HOMER2: variants seen among roughly 807,000 people sequenced by gnomAD.
HOMER2 encodes homer protein homolog 2.
Under a neutral mutation model 47.0 loss-of-function variants are expected in HOMER2, and 27 were observed. That is an observed-to-expected ratio of 0.57 (90% CI 0.42 to 0.79). The LOEUF is 0.79. HOMER2 is among the 30% of genes least tolerant of loss of function. HOMER2 has a pLI of 0.00. For missense variants in HOMER2, 443 were observed against 435.0 expected (o/e 1.02, Z -0.16); for synonymous variants, 161 against 163.8 (o/e 0.98, Z 0.13).
intron 3 of HOMER2, among the ~76,000 whole-genome samples, chr15:82,864,985 C>T (rs1397849716): frequency 6.6e-6 from 1 of 152,250 alleles, no homozygotes; most frequent in Non-Finnish European, 1.5e-5. Flanking sequence ...GCAAGGCTAT[C>T]ACCAATTCTG....
chr15:82,859,187 C>A, intron 4 of HOMER2, 52 bp from the exon 5 acceptor site: 2 of 1,613,104 alleles, frequency 1.2e-6, no homozygotes, highest in Non-Finnish European at 1.7e-6. Flanking sequence ...AGTGAATTAT[C>A]TTCACACGTT....
chr15:82,880,914 C>A (rs2052502020), intron 2 of HOMER2, among the ~76,000 whole-genome samples: 1 of 152,124 alleles, frequency 6.6e-6, no homozygotes, highest in African/African-American at 2.4e-5. Flanking sequence ...AGAATTCAGC[C>A]CTGGGAGCCA....
chr15:82,909,034 C>T (rs2053375916), intron 1 of HOMER2, among the ~76,000 whole-genome samples: 2 of 152,060 alleles, frequency 1.3e-5, no homozygotes, highest in South Asian at 2.1e-4. Flanking sequence ...AACAACCAAA[C>T]CAGGGAGGCA....
At chr15:82,968,350 TA>T (rs2054694865) in intron 1 of HOMER2, among the ~76,000 whole-genome samples, 1 of 152,268 alleles carries the variant, frequency 6.6e-6, no homozygotes, top group Non-Finnish European at 1.5e-5. Flanking sequence ...TGGCTACCAC[TA>T]ATTTGCTTTC....
At chr15:82,872,884 C>T (rs563535469) in intron 3 of HOMER2, among the ~76,000 whole-genome samples, 1 of 152,322 alleles carries the variant, frequency 6.6e-6, no homozygotes, top group South Asian at 2.1e-4. Flanking sequence ...GAGGTTTGAG[C>T]AACAGCAACA....
At position 82,860,956 on chromosome 15, in the gene HOMER2, T is replaced by TGAGA. The variant is rs56063630; in HGVS notation, c.388-1825_388-1822dup. On this transcript the variant is annotated intron_variant, in intron 4 of 8. Coordinates refer to ENST00000450735, the MANE Select transcript of HOMER2 (RefSeq NM_004839.4). ...TGTCTCAAAGATAGAAGATAGAAGA[T>TGAGA]GAGAGAGAGAGAGAGAGAGAGAGAG... 7.5e-4 allele frequency among the ~76,000 whole-genome samples: 32 copies of TGAGA among 42,432 alleles called. No individual in the cohort carries two copies. In the South Asian group the frequency reaches 8.1e-3, roughly 11 times the overall value. The allele number at this position is 42,432 out of a possible 152,430, so 27.8% of individuals were successfully genotyped here.
intron 3 of HOMER2, among the ~76,000 whole-genome samples, chr15:82,870,405 C>T (rs1355304975): frequency 1.3e-5 from 2 of 152,062 alleles, no homozygotes; most frequent in African/African-American, 4.8e-5. Flanking sequence ...GCCAAGAATG[C>T]AGGTGTGATG....
At chr15:82,853,681 C>G (rs1272660997) in intron 6 of HOMER2, among the ~76,000 whole-genome samples, 1 of 152,140 alleles carries the variant, frequency 6.6e-6, no homozygotes, top group Non-Finnish European at 1.5e-5. Flanking sequence ...AGAGAAACCT[C>G]AAGACCTCAA....
At chr15:82,957,872 C>T (rs2054599512), downstream of HOMER2, among the ~76,000 whole-genome samples, 1 of 152,196 alleles carries the variant, frequency 6.6e-6, no homozygotes, top group African/African-American at 2.4e-5. Flanking sequence ...GAGTCTCACA[C>T]TGTCACCCAG....
rs56063630 is a variant in HOMER2, at chr15:82,860,956, TGAGAGA to T, written c.388-1827_388-1822del. On this transcript the variant is annotated intron_variant, in intron 4 of 8. Coordinates refer to ENST00000450735, the MANE Select transcript of HOMER2 (RefSeq NM_004839.4). ...TGTCTCAAAGATAGAAGATAGAAGA[TGAGAGA>T]GAGAGAGAGAGAGAGAGAGAAAGCG... 3.1e-4 allele frequency among the ~76,000 whole-genome samples: 13 copies of T among 42,382 alleles called. 1 individual carries two copies. The highest frequency in any genetic ancestry group is 3.4e-4 in the Non-Finnish European group (7 of 20,528). 27.8% of individuals were successfully genotyped at this position (42,382 alleles called of 152,430 possible). A position where few individuals can be genotyped will look rare whatever the true frequency, so the allele number is the denominator to read the frequency against.
At chr15:82,854,889 A>AGGGGTGTGCTGAGGGATG in intron 5 of HOMER2, 89 bp from the exon 6 acceptor site, 2 of 1,486,264 alleles carry the variant, frequency 1.3e-6, no homozygotes, top group Non-Finnish European at 1.8e-6. Context: ...GCCATCCCTC[A>AGGGGTGTGCTGAGGGATG]GCACACCCCT....
chr15:82,938,966 C>T (rs2054202297), intron 1 of HOMER2, among the ~76,000 whole-genome samples: 1 of 152,196 alleles, frequency 6.6e-6, no homozygotes, highest in South Asian at 2.1e-4. Context: ...TTTTCCTTCC[C>T]TCCAGTTGCA....
At chr15:82,942,406 G>A (rs1289999757) in intron 1 of HOMER2, among the ~76,000 whole-genome samples, 3 of 152,188 alleles carry the variant, frequency 2.0e-5, no homozygotes, top group Admixed American at 2.0e-4. Context: ...GGAGTCCAGA[G>A]ACATACAGGG....
downstream of HOMER2, among the ~76,000 whole-genome samples, chr15:82,848,170 A>G (rs2051279895): frequency 6.6e-6 from 1 of 152,156 alleles, no homozygotes; most frequent in African/African-American, 2.4e-5. Flanking sequence ...GAAGGAGAGC[A>G]GGAGGACTCG....
intron 1 of HOMER2, among the ~76,000 whole-genome samples, chr15:82,936,428 G>A (rs1351769691): frequency 2.0e-5 from 3 of 152,208 alleles, no homozygotes; most frequent in African/African-American, 7.2e-5. Flanking sequence ...GAGGGATGGT[G>A]TCTGTTTTGC....
intron 1 of HOMER2, among the ~76,000 whole-genome samples, chr15:82,952,287 T>C (rs1215169965): frequency 1.3e-5 from 2 of 152,230 alleles, no homozygotes; most frequent in Non-Finnish European, 2.9e-5. Flanking sequence ...GCCCGGGCTG[T>C]ATGGGAGGGG....
intron 1 of HOMER2, among the ~76,000 whole-genome samples, chr15:82,945,222 A>T (rs944553690): frequency 8.4e-6 from 1 of 119,012 alleles, no homozygotes; most frequent in African/African-American, 4.2e-5. Context: ...AAATGTCTTA[A>T]AAAAAAAAAA....
Position 82,952,708 on chromosome 15 carries a change from C to G in HOMER2, c.-173G>C. 1 of 982,938 alleles carries G rather than the reference C, an allele frequency of 1.0e-6. No homozygotes were observed. The highest frequency in any genetic ancestry group is 1.2e-6 in the Non-Finnish European group (1 of 829,570). 60.9% of individuals were successfully genotyped at this position (982,938 alleles called of 1,614,324 possible). On this transcript the variant is annotated 5_prime_UTR_variant, in exon 1 of 9. Coordinates refer to ENST00000450735, the MANE Select transcript of HOMER2 (RefSeq NM_004839.4). ...CTGCCACTGCTGCCACTGCCGCCACCGCCGCCAGGCGCGGGCGGGCGGGGG... is the reference window on the plus strand; with the variant it reads ...CTGCCACTGCTGCCACTGCCGCCACGGCCGCCAGGCGCGGGCGGGCGGGGG...
chr15:82,878,295 C>G (rs2052412871), intron 2 of HOMER2, among the ~76,000 whole-genome samples: 1 of 152,114 alleles, frequency 6.6e-6, no homozygotes, highest in Non-Finnish European at 1.5e-5. Flanking sequence ...CCTGCTATTT[C>G]CTTAAAACTT....
Sources: gnomAD v4.1 joint callset for allele counts (sites outside exome capture counted in the v4.1 genomes callset) on GRCh38, gnomAD v4.1.1 for gene constraint, MANE v1.5 for transcripts, NCBI Gene and HGNC (gene_info 2026-07-23, HGNC 2026-07-21) for gene names.